VASH2: variants seen among roughly 807,000 people sequenced by gnomAD.
VASH2 encodes the protein vasohibin 2, also known as tubulinyl-Tyr carboxypeptidase 2.
Under a neutral mutation model 37.2 loss-of-function variants are expected in VASH2, and 28 were observed. That is an observed-to-expected ratio of 0.75 (90% CI 0.56 to 1.03). VASH2 has a LOEUF of 1.03. Ranked by LOEUF, VASH2 falls within the 50% of genes least tolerant of loss-of-function variation. The pLI is 0.00. For synonymous variants in VASH2, 188 were observed against 174.7 expected (o/e 1.08, Z -0.60); for missense variants, 419 against 459.1 (o/e 0.91, Z 0.80).
chr1:212,977,402 CAG>C (rs1667209343), intron 7 of VASH2, among the ~76,000 whole-genome samples: 1 of 152,066 alleles, frequency 6.6e-6, no homozygotes, highest in African/African-American at 2.4e-5. Context: ...TGGAAGAGAC[CAG>C]AGTGTCTTTG....
chr1:212,971,246 G>A lies in VASH2; in HGVS notation c.498-1334G>A, dbSNP rs1460157399. Among the ~76,000 whole-genome samples, 2 of 152,204 alleles carry A rather than the reference G, an allele frequency of 1.3e-5. No homozygotes were observed. Among genetic ancestry groups the A allele is most frequent in the East Asian group, 3.8e-4 (2 of 5,202 alleles). On this transcript the variant is annotated intron_variant, in intron 5 of 7. Coordinates refer to ENST00000517399, the MANE Select transcript of VASH2 (RefSeq NM_001301056.2). This position sits in a 1 kb window ranked among gnomAD's most constrained non-coding sequence, Gnocchi z 4.0. ...CCTTCTGGCTATTGCAAATGATGCTGTTCAGAGCATGGGTGTACAAATACC... is the reference window on the plus strand; with the variant it reads ...CCTTCTGGCTATTGCAAATGATGCTATTCAGAGCATGGGTGTACAAATACC...
Position 212,961,176 on chromosome 1 carries a change from C to A in VASH2, c.287C>A (p.Pro96His), listed in dbSNP as rs765798613. Residue 96 changes from proline (P) to histidine (H), a missense_variant, in exon 3 of 8, where the codon CCC (proline) becomes CAC (histidine). Pro to His is a moderately conservative substitution (Grantham distance 77). Around this residue, in one of 3 missense-constraint regions of VASH2, gnomAD observed 158 missense variants for 163.0 expected, o/e 0.97. Coordinates refer to ENST00000517399, the MANE Select transcript of VASH2 (RefSeq NM_001301056.2). ...TCTATTTTTCTGCAGCCTTCAATAC[C>A]CCAGGTCCCAAACTACAGGCTGTCG... ...NAAFLAKPSI[P>H]QVPNYRLSMT... 6.2e-7 allele frequency: 1 copy of A among 1,614,140 alleles called. No individual in the cohort carries two copies. The highest frequency in any genetic ancestry group is 1.7e-5 in the Admixed American group (1 of 60,028).
intron 7 of VASH2, chr1:212,974,747 T>C (rs546557493): frequency 6.6e-6 from 1 of 152,360 alleles, no homozygotes; most frequent in East Asian, 1.9e-4. Flanking sequence ...AAAATACTGC[T>C]TTTCTTAATA....
At chr1:212,960,921 A>G (rs1026401936) in intron 2 of VASH2, among the ~76,000 whole-genome samples, 3 of 152,254 alleles carry the variant, frequency 2.0e-5, no homozygotes, top group Non-Finnish European at 2.9e-5. Flanking sequence ...ACGGAGGGCC[A>G]TAGAGAGCCA....
In VASH2 at chr1:212,972,893, G is replaced by A. The variant is rs372322708; in HGVS notation, c.811G>A (p.Val271Ile). Residue 271 changes from valine to isoleucine, a missense_variant, in exon 6 of 8, where the codon GTC (valine) becomes ATC (isoleucine). Coordinates refer to ENST00000517399, the MANE Select transcript of VASH2 (RefSeq NM_001301056.2). ...PIEWKQLVLNVSKMLRADIRK... is the reference protein window; with the variant it reads ...PIEWKQLVLNISKMLRADIRK... ...TGAGTGGAAGCAGCTGGTCCTCAAC[G>A]TCTCAAAGATGCTGAGGGCTGACAT... The A allele has an allele frequency of 1.1e-5, 17 of 1,613,984 alleles. No homozygotes were observed. The highest frequency in any genetic ancestry group is 6.7e-5 in the African/African-American group (5 of 74,916).
intron 3 of VASH2, among the ~76,000 whole-genome samples, chr1:212,964,936 T>C (rs527571363): frequency 1.4e-3 from 215 of 152,124 alleles, no homozygotes; most frequent in African/African-American, 4.8e-3. Context: ...TTTTTTTTTT[T>C]TTTAGACAGA....
chr1:212,962,398 A>G (rs921798901), intron 3 of VASH2, among the ~76,000 whole-genome samples: 1 of 152,180 alleles, frequency 6.6e-6, no homozygotes, highest in African/African-American at 2.4e-5. Context: ...AGCCTGTTCT[A>G]CAAGGTCCCA....
intron 7 of VASH2, among the ~76,000 whole-genome samples, chr1:212,985,023 C>CT (rs551228454): frequency 4.6e-5 from 7 of 151,178 alleles, no homozygotes; most frequent in East Asian, 1.9e-4. Flanking sequence ...ACATAATTCA[C>CT]TTTTTTTTTC....
chr1:212,969,945 T>A (rs1380258061), intron 5 of VASH2, among the ~76,000 whole-genome samples: 1 of 152,208 alleles, frequency 6.6e-6, no homozygotes, highest in Non-Finnish European at 1.5e-5. Context: ...CTTCTTTTTA[T>A]CTTGCTTGAG....
At chr1:212,964,234 G>T (rs916273255) in intron 3 of VASH2, among the ~76,000 whole-genome samples, 1 of 152,154 alleles carries the variant, frequency 6.6e-6, no homozygotes, top group Admixed American at 6.5e-5. Flanking sequence ...CTCTTCAAGG[G>T]GTTACGTGTG....
chr1:212,958,167 A>T (rs1466237578), intron 2 of VASH2, among the ~76,000 whole-genome samples: 1 of 152,152 alleles, frequency 6.6e-6, no homozygotes, highest in Non-Finnish European at 1.5e-5. Context: ...GTCCATGGCC[A>T]GTGGGAACGT....
At chr1:212,961,052 T>A (rs1198722247) in intron 2 of VASH2, 114 bp from the exon 3 acceptor site, 11 of 981,474 alleles carry the variant, frequency 1.1e-5, no homozygotes, top group Non-Finnish European at 1.4e-5. Flanking sequence ...CATGCTGCCA[T>A]CGGCTCTCAG....
intron 7 of VASH2, among the ~76,000 whole-genome samples, chr1:212,976,806 G>C (rs1007202495): frequency 3.9e-5 from 6 of 152,214 alleles, no homozygotes; most frequent in Non-Finnish European, 8.8e-5. Context: ...GTGGGCCTGG[G>C]AATGGGGAGA....
At chr1:212,986,557 CCAAG>C (rs1371796755) in intron 7 of VASH2, among the ~76,000 whole-genome samples, 3 of 152,126 alleles carry the variant, frequency 2.0e-5, no homozygotes, top group African/African-American at 7.2e-5. Context: ...ATTTGAATCC[CCAAG>C]CAAACATGTG....
chr1:212,969,238 G>C (rs1666936484), intron 5 of VASH2: 1 of 976,858 alleles, frequency 1.0e-6, no homozygotes, highest in South Asian at 4.7e-5. Context: ...TGTCGCCCAA[G>C]CTGGAGTGCA....
At position 212,958,161 on chromosome 1, in the gene VASH2, A is replaced by C. The variant is rs143628117; in HGVS notation, c.277-3005A>C. Among the ~76,000 whole-genome samples, 564 of 152,248 alleles carry C rather than the reference A, an allele frequency of 3.7e-3. 5 individuals carry two copies. The highest frequency in any genetic ancestry group is 0.013 in the African/African-American group (546 of 41,540). On this transcript the variant is annotated intron_variant, in intron 2 of 7. Coordinates refer to ENST00000517399, the MANE Select transcript of VASH2 (RefSeq NM_001301056.2). ...GGGAAGCCCACCTGGTTTACAGTCCATGGCCAGTGGGAACGTTGGGAGCCC... is the reference window on the plus strand; with the variant it reads ...GGGAAGCCCACCTGGTTTACAGTCCCTGGCCAGTGGGAACGTTGGGAGCCC...
chr1:212,951,598 G>A lies in VASH2; in HGVS notation c.56G>A (p.Gly19Asp), dbSNP rs761657176. Residue 19 changes from glycine to aspartate, a missense_variant, in exon 2 of 8, where the codon GGC (glycine) becomes GAC (aspartate). Gly to Asp is a moderately conservative substitution (Grantham distance 94, BLOSUM62 -1). Around this residue, in one of 3 missense-constraint regions of VASH2, gnomAD observed 158 missense variants for 163.0 expected, o/e 0.97. Transcript: ENST00000517399. The surrounding 1 kb of genome is among the most constrained non-coding windows in gnomAD (Gnocchi z 4.4). ...TGCCCCCACCCCAAAGGCGCCAAAG[G>A]CACCCGGTCCCGGAGCAGCCACGCG... Reference protein sequence around the residue: ...HRCPHPKGAKGTRSRSSHARP... With the variant: ...HRCPHPKGAKDTRSRSSHARP... The A allele has an allele frequency of 1.3e-6, 2 of 1,551,468 alleles. No individual in the cohort carries two copies. Among genetic ancestry groups the A allele is most frequent in the Admixed American group, 3.9e-5 (2 of 51,144 alleles).
At chr1:212,974,161 CAT>C in intron 7 of VASH2, 91 bp downstream of exon 7, 1 of 1,428,422 alleles carries the variant, frequency 7.0e-7, no homozygotes, top group Non-Finnish European at 9.3e-7. Flanking sequence ...GTGTCTTGGG[CAT>C]GGCATTTGAA....
chr1:212,951,395 G>GCC lies in VASH2; in HGVS notation c.-148_-147insCC. The stretch of plus-strand genomic sequence containing the variant: ...GCTCCCGCCGCCGCTCCCCCTTGGT[G>GCC]AGTCCTGCCGCAGCGAGAGGCATGG... On this transcript the variant is annotated 5_prime_UTR_variant, in exon 2 of 8. Transcript: ENST00000517399. The surrounding 1 kb of genome is among the most constrained non-coding windows in gnomAD (Gnocchi z 4.4). 6.9e-6 allele frequency: 2 copies of GCC among 290,786 alleles called. No homozygotes were observed. Among genetic ancestry groups the GCC allele is most frequent in the Non-Finnish European group, 1.0e-5 (2 of 192,322 alleles). 18.0% of individuals were successfully genotyped at this position (290,786 alleles called of 1,614,324 possible).
Sources: allele counts gnomAD v4.1 joint callset (sites outside exome capture counted in the v4.1 genomes callset), GRCh38; gene constraint gnomAD v4.1.1; regional missense constraint gnomAD v4.1.1; non-coding constraint Gnocchi (gnomAD v3.1); transcripts MANE v1.5; gene names NCBI Gene and HGNC (gene_info 2026-07-23, HGNC 2026-07-21).